Variants in TRPV1 observed in about 807,000 individuals in gnomAD.
The protein encoded by TRPV1 is transient receptor potential cation channel subfamily V member 1.
A neutral mutation model predicts 82.3 loss-of-function variants in TRPV1; 82 were observed. The observed-to-expected ratio is 1.00, with a 90% CI of 0.83 to 1.20. The LOEUF is 1.20. Among genes scored for constraint, TRPV1 ranks in the 50% most tolerant of loss-of-function variants. The probability of loss-of-function intolerance (pLI) is 0.00; values close to 1 mark genes in which losing one functional copy is unlikely to be tolerated. For synonymous variants in TRPV1, 515 were observed against 467.7 expected (o/e 1.10, Z -1.30); for missense variants, 1,067 against 1,096.8 (o/e 0.97, Z 0.38).
intron 16 of TRPV1, among the ~76,000 whole-genome samples, chr17:3,569,149 G>A (rs969529489): frequency 6.6e-6 from 1 of 152,168 alleles, no homozygotes; most frequent in African/African-American, 2.4e-5. Flanking sequence ...GACAGCATTA[G>A]AAGATATACC....
At chr17:3,573,990 T>A in intron 13 of TRPV1, 35 bp from the exon 14 acceptor site, 2 of 1,522,574 alleles carry the variant, frequency 1.3e-6, no homozygotes, top group Non-Finnish European at 1.8e-6. Flanking sequence ...TGCCACTGGA[T>A]AGAAGCCAAT....
chr17:3,602,002 A>C (rs2075266841), intron 2 of TRPV1: 1 of 152,170 alleles, frequency 6.6e-6, no homozygotes, highest in African/African-American at 2.4e-5. Flanking sequence ...ATGGCTGTGA[A>C]TATGTGTTGA....
At chr17:3,594,823 G>A (rs996705448) in intron 2 of TRPV1, among the ~76,000 whole-genome samples, 1 of 152,138 alleles carries the variant, frequency 6.6e-6, no homozygotes, top group East Asian at 1.9e-4. Flanking sequence ...GCTGAAGAGG[G>A]GTCCATGGCA....
Position 3,590,120 on chromosome 17 carries a change from G to C in TRPV1, c.746-15C>G. On this transcript the variant is annotated splice_polypyrimidine_tract_variant and intron_variant, in intron 6 of 16. Transcript: ENST00000572705. ...GGGCAGTTCACCTGCATGAACACAG[G>C]GCCCAGGTGGGCCTCAGGAGTGAGA... 1 of 1,594,194 alleles carries C rather than the reference G, an allele frequency of 6.3e-7. No homozygotes were observed. Among genetic ancestry groups the C allele is most frequent in the Admixed American group, 1.7e-5 (1 of 58,956 alleles).
intron 14 of TRPV1, among the ~76,000 whole-genome samples, 170 bp from the exon 15 acceptor site, chr17:3,572,419 C>T (rs79803625): frequency 0.17 from 25,369 of 152,120 alleles, 2,707 homozygotes; most frequent in East Asian, 0.54. Flanking sequence ...GGCGGGGGTA[C>T]ACTGTATACA....
At chr17:3,575,649 T>C (rs1020797649) in intron 13 of TRPV1, among the ~76,000 whole-genome samples, 1 of 152,112 alleles carries the variant, frequency 6.6e-6, no homozygotes, top group African/African-American at 2.4e-5. Context: ...AAGGTAAATA[T>C]AGTAGCTTTA....
intron 13 of TRPV1, 139 bp from the exon 14 acceptor site, chr17:3,574,094 C>T: frequency 1.4e-6 from 1 of 733,396 alleles, no homozygotes; most frequent in Non-Finnish European, 2.2e-6. Flanking sequence ...TTAAAACTAT[C>T]AAAAAAATTT....
At chr17:3,572,860 G>A (rs1342505725) in intron 14 of TRPV1, among the ~76,000 whole-genome samples, 2 of 152,080 alleles carry the variant, frequency 1.3e-5, no homozygotes, top group African/African-American at 2.4e-5. Context: ...GTGGGTGCCT[G>A]CAATCCCAGC....
intron 13 of TRPV1, among the ~76,000 whole-genome samples, chr17:3,576,507 C>G (rs1190552040): frequency 6.6e-6 from 1 of 151,436 alleles, no homozygotes; most frequent in Non-Finnish European, 1.5e-5. Flanking sequence ...AAAAAATTAG[C>G]CAGGCGTGGT....
chr17:3,604,327 G>A (rs1183018640), intron 2 of TRPV1, among the ~76,000 whole-genome samples: 1 of 152,232 alleles, frequency 6.6e-6, no homozygotes, highest in Non-Finnish European at 1.5e-5. Context: ...GCCAGGCGTG[G>A]TGGCTCATGC....
At chr17:3,584,402 C>CAAGAAAAAAAAAAAAAAAAAAA (rs2075057678) in intron 9 of TRPV1, among the ~76,000 whole-genome samples, 1 of 16,746 alleles carries the variant, frequency 6.0e-5, no homozygotes, top group African/African-American at 2.3e-4. Flanking sequence ...GACTCTGTCT[C>CAAGAAAAAAAAAAAAAAAAAAA]AAAAAAAAAA....
chr17:3,574,651 CA>C (rs1230477746), intron 13 of TRPV1, among the ~76,000 whole-genome samples: 1 of 152,086 alleles, frequency 6.6e-6, no homozygotes, highest in African/African-American at 2.4e-5. Flanking sequence ...GTCCAGTGCT[CA>C]AAAAATGATG....
intron 5 of TRPV1, 134 bp downstream of exon 5, chr17:3,590,830 T>G: frequency 7.9e-7 from 1 of 1,264,062 alleles, no homozygotes; most frequent in Non-Finnish European, 1.1e-6. Flanking sequence ...CCCCCTAGGA[T>G]TAGGAGCCAC....
At chr17:3,577,232 C>T in intron 12 of TRPV1, 40 bp from the exon 13 acceptor site, 1 of 1,557,800 alleles carries the variant, frequency 6.4e-7, no homozygotes, top group South Asian at 1.2e-5. Flanking sequence ...GAGGCCAGGC[C>T]CAGGAGGAGC....
intron 16 of TRPV1, among the ~76,000 whole-genome samples, chr17:3,570,428 T>A (rs946119625): frequency 5.3e-5 from 8 of 152,014 alleles, no homozygotes; most frequent in African/African-American, 1.9e-4. Context: ...TACAATAATG[T>A]AAATGTACTT....
At chr17:3,580,427 G>C in intron 11 of TRPV1, 30 bp downstream of exon 11, 1 of 1,613,298 alleles carries the variant, frequency 6.2e-7, no homozygotes, top group African/African-American at 1.3e-5. Flanking sequence ...CCTGGGGACT[G>C]GACTGGGAAT....
At chr17:3,590,541 A>AG (rs2075144351) in intron 5 of TRPV1, 149 bp from the exon 6 acceptor site, 1 of 1,257,056 alleles carries the variant, frequency 8.0e-7, no homozygotes, top group Admixed American at 2.8e-5. Flanking sequence ...GCAGGAGGCC[A>AG]GGCCAGGGTC....
chr17:3,570,488 GAGAT>G (rs1227549321), intron 16 of TRPV1, among the ~76,000 whole-genome samples: 1 of 152,106 alleles, frequency 6.6e-6, no homozygotes, highest in Admixed American at 6.6e-5. Context: ...CAAGTTTTAG[GAGAT>G]AGATATTTTA....
At position 3,605,518 on chromosome 17, in the gene TRPV1, AAAAG is replaced by A. The variant is rs563234242; in HGVS notation, c.-34+2905_-34+2908del. 4.3e-4 allele frequency among the ~76,000 whole-genome samples: 65 copies of A among 152,234 alleles called. No individual in the cohort carries two copies. The East Asian group carries it at 0.013, about 29-fold the overall frequency. On this transcript the variant is annotated intron_variant, in intron 2 of 16. Coordinates refer to ENST00000572705, the MANE Select transcript of TRPV1 (RefSeq NM_080704.4). ...GAGTGAGACTCCATTTAAAAAAAAAAAAAGATTCAATGAATTCAAACAAGTAGAG... is the reference window on the plus strand; with the variant it reads ...GAGTGAGACTCCATTTAAAAAAAAAAATTCAATGAATTCAAACAAGTAGAG...
Sources: allele counts gnomAD v4.1 joint callset (sites outside exome capture counted in the v4.1 genomes callset), GRCh38; gene constraint gnomAD v4.1.1; transcripts MANE v1.5; gene names NCBI Gene and HGNC (gene_info 2026-07-23, HGNC 2026-07-21).